Variants in TESC observed in about 807,000 individuals in gnomAD.
TESC encodes the protein tescalcin, also known as calcineurin B homologous protein 3.
Under a neutral mutation model 31.0 loss-of-function variants are expected in TESC, and 19 were observed. That is an observed-to-expected ratio of 0.61 (90% confidence interval 0.43 to 0.90). The LOEUF is 0.90. Among genes scored for constraint, TESC ranks in the 40% least tolerant of loss-of-function variants. The pLI is 0.00. For synonymous variants in TESC, 109 were observed against 114.8 expected, an observed-to-expected ratio of 0.95 and a Z score of 0.32; for missense variants, 248 against 303.8, an observed-to-expected ratio of 0.82 and a Z score of 1.36.
intron 2 of TESC, among the ~76,000 whole-genome samples, chr12:117,065,929 A>G (rs1186657357): frequency 6.6e-6 from 1 of 152,138 alleles, no homozygotes; most frequent in African/African-American, 2.4e-5. Flanking sequence ...ACATCTGTGC[A>G]TTTTATTTCA....
intron 2 of TESC, among the ~76,000 whole-genome samples, chr12:117,060,121 T>C (rs1211501793): frequency 6.6e-6 from 1 of 152,066 alleles, no homozygotes; most frequent in Non-Finnish European, 1.5e-5. Flanking sequence ...ACTGTACATT[T>C]TCAATGGGCG....
chr12:117,044,055 G>A (rs1954522277), intron 6 of TESC, among the ~76,000 whole-genome samples: 2 of 152,102 alleles, frequency 1.3e-5, no homozygotes, highest in Non-Finnish European at 2.9e-5. Context: ...AGACCAGACT[G>A]GTCAACATAA....
At chr12:117,051,829 C>T (rs1954651757) in intron 3 of TESC, among the ~76,000 whole-genome samples, 1 of 152,170 alleles carries the variant, frequency 6.6e-6, no homozygotes, top group African/African-American at 2.4e-5. Context: ...TCTGAAGAGA[C>T]CAACATTCTG....
intron 1 of TESC, among the ~76,000 whole-genome samples, chr12:117,075,891 A>ATATATATATATATATGTGTG (rs1955056625): frequency 1.0e-4 from 7 of 69,076 alleles, no homozygotes; most frequent in African/African-American, 5.1e-4. Flanking sequence ...ATATATATAT[A>ATATATATATATATATGTGTG]TATATATATA....
At chr12:117,095,536 G>A (rs1565978776) in intron 1 of TESC, among the ~76,000 whole-genome samples, 1 of 152,304 alleles carries the variant, frequency 6.6e-6, no homozygotes, top group East Asian at 1.9e-4. Flanking sequence ...TTGGTTCCTA[G>A]AAATTCAAGT....
Position 117,041,988 on chromosome 12 carries a change from C to G in TESC, c.526G>C (p.Asp176His), listed in dbSNP as rs1248353515. 2 of 1,595,526 alleles carry G rather than the reference C, an allele frequency of 1.3e-6. No homozygotes were observed. Among genetic ancestry groups the G allele is most frequent in the Non-Finnish European group, 1.7e-6 (2 of 1,170,698 alleles). Residue 176 changes from aspartate (D) to histidine (H), a missense_variant, in exon 7 of 8, where the codon GAT becomes CAT. By Grantham distance (81) the Asp-to-His change is moderately conservative. Transcript: ENST00000335209. ...ASVCMGQMEP[D>H]QVYEGITFED... is the part of the protein sequence containing the mutation. ...AAGGTGATCCCCTCGTACACCTGATCAGGCTCCTGGGGACGGAAGCACAGG... is the reference window on the plus strand; with the variant it reads ...AAGGTGATCCCCTCGTACACCTGATGAGGCTCCTGGGGACGGAAGCACAGG...
In TESC at chr12:117,075,947, A is replaced by G. The variant is rs1356813117; in HGVS notation, c.59-607T>C. On this transcript the variant is annotated intron_variant, in intron 1 of 7. Transcript: ENST00000335209. ...TGTATATATATATATATATGTATAT[A>G]TACATATATATATATATATGTATGT... Among the ~76,000 whole-genome samples the G allele has an allele frequency of 1.1e-3, 111 of 97,554 alleles. 4 individuals are homozygous for G. Among genetic ancestry groups the G allele is most frequent in the Non-Finnish European group, 1.8e-3 (92 of 50,424 alleles). The allele number at this position is 97,554 out of a possible 152,430, so 64.0% of individuals were successfully genotyped here.
chr12:117,066,126 G>T (rs939502783), intron 2 of TESC, among the ~76,000 whole-genome samples: 8 of 148,058 alleles, frequency 5.4e-5, no homozygotes, highest in Non-Finnish European at 1.2e-4. Context: ...CACCTTCCAT[G>T]ACCACCTACC....
At chr12:117,042,095 A>C in intron 6 of TESC, 101 bp from the exon 7 acceptor site, 59 of 1,162,076 alleles carry the variant, frequency 5.1e-5, no homozygotes, top group Non-Finnish European at 6.4e-5. Flanking sequence ...CAATACCCAA[A>C]TGTAAGTTGT....
chr12:117,084,745 G>A (rs1022296963), intron 1 of TESC, among the ~76,000 whole-genome samples: 2 of 152,200 alleles, frequency 1.3e-5, no homozygotes, highest in African/African-American at 4.8e-5. Flanking sequence ...GAAAGAGAAT[G>A]TCAGCATGCG....
At chr12:117,040,839 G>A (rs1415836754) in intron 7 of TESC, among the ~76,000 whole-genome samples, 2 of 152,182 alleles carry the variant, frequency 1.3e-5, no homozygotes, top group East Asian at 3.8e-4. Context: ...CGGCTCCATG[G>A]GGCTGTGACC....
At position 117,039,057 on chromosome 12, in the gene TESC, G is replaced by C. The variant is rs184672450; in HGVS notation, c.*76C>G. On this transcript the variant is annotated 3_prime_UTR_variant, in exon 8 of 8. Coordinates refer to ENST00000335209, the MANE Select transcript of TESC (RefSeq NM_017899.4). ...GCGCTGCAGGAAGAGGCTGTCCGCC[G>C]GGCCTGGGCTGCTCCAGCTACGCGG... 1 of 1,531,292 alleles carries C rather than the reference G, an allele frequency of 6.5e-7. No individual in the cohort carries two copies. The highest frequency in any genetic ancestry group is 8.9e-7 in the Non-Finnish European group (1 of 1,121,422). The allele number at this position is 1,531,292 out of a possible 1,614,324, so 94.9% of individuals were successfully genotyped here. A position where few individuals can be genotyped will look rare whatever the true frequency, so the allele number is the denominator to read the frequency against.
chr12:117,075,895 A>ATATGTGTGTG (rs1955057701), intron 1 of TESC, among the ~76,000 whole-genome samples: 5 of 83,054 alleles, frequency 6.0e-5, no homozygotes, highest in African/African-American at 3.6e-4. Context: ...ATATATATAT[A>ATATGTGTGTG]TATATATATA....
At chr12:117,084,213 T>C (rs914515955) in intron 1 of TESC, 3 of 152,184 alleles carry the variant, frequency 2.0e-5, no homozygotes, top group Non-Finnish European at 4.4e-5. Context: ...GAATTAGGTG[T>C]CAATGTAAAA....
intron 1 of TESC, among the ~76,000 whole-genome samples, chr12:117,078,446 A>G (rs1955101846): frequency 6.6e-6 from 1 of 152,212 alleles, no homozygotes; most frequent in African/African-American, 2.4e-5. Flanking sequence ...AGCCTTGGCA[A>G]GAGAACGAGA....
chr12:117,092,372 A>C (rs1212551565), intron 1 of TESC, among the ~76,000 whole-genome samples: 2 of 152,234 alleles, frequency 1.3e-5, no homozygotes, highest in African/African-American at 4.8e-5. Flanking sequence ...AGAATGAAAA[A>C]TACCAGCATG....
At chr12:117,056,755 A>G (rs777417098) in intron 3 of TESC, 51 bp downstream of exon 3, 16 of 1,573,742 alleles carry the variant, frequency 1.0e-5, no homozygotes, top group Non-Finnish European at 1.4e-5. Context: ...CCGAGATGTT[A>G]CACAAGACAA....
intron 4 of TESC, among the ~76,000 whole-genome samples, chr12:117,047,087 G>A (rs960006938): frequency 4.6e-5 from 7 of 152,188 alleles, no homozygotes; most frequent in Non-Finnish European, 7.3e-5. Flanking sequence ...TGTCTACCTC[G>A]TGGCCTTAGG....
At chr12:117,052,817 C>G (rs968720083) in intron 3 of TESC, among the ~76,000 whole-genome samples, 5 of 151,560 alleles carry the variant, frequency 3.3e-5, no homozygotes, top group Non-Finnish European at 7.4e-5. Context: ...CCTTTTCTCT[C>G]CTGGCCTCTG....
Sources: allele counts gnomAD v4.1 joint callset (sites outside exome capture counted in the v4.1 genomes callset), GRCh38; gene constraint gnomAD v4.1.1; transcripts MANE v1.5; gene names NCBI Gene and HGNC (gene_info 2026-07-23, HGNC 2026-07-21).